ACLY: variants seen among roughly 807,000 people sequenced by gnomAD.
ACLY encodes the protein ATP citrate lyase, also known as ATP-citrate synthase.
ACLY carries 41 observed loss-of-function variants against 133.0 expected under a neutral mutation model. The observed-to-expected ratio is 0.31, with a 90% CI of 0.24 to 0.40. The LOEUF is 0.40. Ranked by LOEUF, ACLY falls within the 10% of genes least tolerant of loss-of-function variation. The pLI is 1.00. For synonymous variants in ACLY, 495 were observed against 549.3 expected (o/e 0.90, Z 1.38); for missense variants, 1,046 against 1,453.8 (o/e 0.72, Z 4.56).
chr17:41,873,999 C>A, intron 22 of ACLY, 34 bp from the exon 23 acceptor site: 1 of 1,555,974 alleles, frequency 6.4e-7, no homozygotes. Flanking sequence ...AAGCAGGGCC[C>A]TGGTGACCAC....
intron 28 of ACLY, 72 bp downstream of exon 28, chr17:41,868,637 C>G (rs2048525107): frequency 9.7e-7 from 1 of 1,030,282 alleles, no homozygotes; most frequent in African/African-American, 1.7e-5. Context: ...AAACTCAACC[C>G]CATGAGTAAG....
At chr17:41,925,486 C>A (rs563868087) in intron 1 of ACLY, among the ~76,000 whole-genome samples, 34 of 150,482 alleles carry the variant, frequency 2.3e-4, no homozygotes, top group African/African-American at 8.0e-4. Context: ...TGGCATGCAC[C>A]TGTAGTTCCA....
chr17:41,867,921 A>G lies in ACLY; in HGVS notation c.3212-17T>C, dbSNP rs1555624215. On this transcript the variant is annotated splice_polypyrimidine_tract_variant and intron_variant, in intron 28 of 28. Transcript: ENST00000352035. ...GATAGTGTCCTAAAATGAAGCAAACACATCTTTTTTATTAGAGCTTCATAA... is the reference window on the plus strand; with the variant it reads ...GATAGTGTCCTAAAATGAAGCAAACGCATCTTTTTTATTAGAGCTTCATAA... 6.3e-7 allele frequency: 1 copy of G among 1,578,648 alleles called. No individual in the cohort carries two copies. Among genetic ancestry groups the G allele is most frequent in the Admixed American group, 1.7e-5 (1 of 58,222 alleles).
At chr17:41,909,440 C>A (rs1342200434) in intron 5 of ACLY, 70 bp downstream of exon 5, 2 of 1,535,008 alleles carry the variant, frequency 1.3e-6, no homozygotes, top group Non-Finnish European at 1.8e-6. Flanking sequence ...CTGCTCTCCC[C>A]AGTCTGTGCC....
chr17:41,875,408 T>A (rs1174843648), intron 22 of ACLY, among the ~76,000 whole-genome samples: 84 of 132,960 alleles, frequency 6.3e-4, no homozygotes, highest in African/African-American at 2.2e-3. Context: ...GGAGCCCCCC[T>A]CCCTCTCCCT....
Position 41,868,798 on chromosome 17 carries a change from T to C in ACLY, c.3135-13A>G, listed in dbSNP as rs2048529222. 3.1e-6 allele frequency: 5 copies of C among 1,613,260 alleles called. No homozygotes were observed. The highest frequency in any genetic ancestry group is 4.2e-6 in the Non-Finnish European group (5 of 1,179,632). ...ATCAGCTTCCTCCCTGCAACACACA[T>C]CAACTTGTAGTTTTAAAAGGCTCAC... On this transcript the variant is annotated splice_polypyrimidine_tract_variant and intron_variant, in intron 27 of 28. Coordinates refer to ENST00000352035, the MANE Select transcript of ACLY (RefSeq NM_001096.3).
intron 14 of ACLY, 89 bp from the exon 15 acceptor site, chr17:41,893,263 G>GC: frequency 7.0e-7 from 1 of 1,427,460 alleles, no homozygotes; most frequent in East Asian, 2.4e-5. Flanking sequence ...ACCCCTCCAC[G>GC]CCCCATGTCC....
At chr17:41,919,145 T>A, upstream of ACLY, 4 of 1,059,992 alleles carry the variant, frequency 3.8e-6, no homozygotes, top group Non-Finnish European at 4.8e-6. Flanking sequence ...CTGGGACTTG[T>A]AGTCCCGCTG....
At chr17:41,921,256 C>A (rs766446621), upstream of ACLY, among the ~76,000 whole-genome samples, 6 of 152,010 alleles carry the variant, frequency 3.9e-5, no homozygotes, top group Non-Finnish European at 1.5e-5. Context: ...AGAGATCGTG[C>A]CATTGCACTC....
chr17:41,913,114 A>G (rs1231480012), intron 2 of ACLY, among the ~76,000 whole-genome samples: 3 of 152,064 alleles, frequency 2.0e-5, no homozygotes, highest in Non-Finnish European at 4.4e-5. Context: ...TCCTAGGCTT[A>G]CTCTCTGAGC....
At chr17:41,874,080 T>G in intron 22 of ACLY, 115 bp from the exon 23 acceptor site, 5 of 1,117,328 alleles carry the variant, frequency 4.5e-6, no homozygotes, top group Non-Finnish European at 5.9e-6. Context: ...TGTCGTAAAC[T>G]CTGGCAGCCA....
intron 9 of ACLY, 85 bp from the exon 10 acceptor site, chr17:41,904,875 GT>G: frequency 7.3e-7 from 1 of 1,366,978 alleles, no homozygotes. Flanking sequence ...GGAAGTTCTT[GT>G]TCCCCTGAAT....
Position 41,918,938 on chromosome 17 carries a change from C to G in ACLY, c.-82G>C. ...CAGGCCCGACGAACCCCGCAAAATC[C>G]GGAGCACCCCAGCAGCCGGTAGCTT... On this transcript the variant is annotated 5_prime_UTR_variant, in exon 1 of 29. Transcript: ENST00000352035. 1.6e-6 allele frequency: 2 copies of G among 1,289,290 alleles called. No homozygotes were observed. Among genetic ancestry groups the G allele is most frequent in the South Asian group, 2.5e-5 (2 of 80,882 alleles). The allele number at this position is 1,289,290 out of a possible 1,614,324, so 79.9% of individuals were successfully genotyped here.
At chr17:41,914,536 G>A (rs1202124918) in intron 1 of ACLY, among the ~76,000 whole-genome samples, 6 of 152,172 alleles carry the variant, frequency 3.9e-5, no homozygotes, top group Admixed American at 6.5e-5. Context: ...GAGGATCATC[G>A]CTAAGCTCTT....
At chr17:41,868,615 A>G (rs1403600868) in intron 28 of ACLY, 94 bp downstream of exon 28, 12 of 543,184 alleles carry the variant, frequency 2.2e-5, no homozygotes, top group African/African-American at 1.9e-4. Flanking sequence ...AAAAAAAAAA[A>G]GAAAGAAAAA....
intron 1 of ACLY, 147 bp downstream of exon 1, chr17:41,918,733 C>G (rs1555634915): frequency 4.8e-6 from 5 of 1,038,076 alleles, no homozygotes; most frequent in Non-Finnish European, 5.0e-6. Flanking sequence ...CGAAGGCTAA[C>G]CTAAAGCTAA....
chr17:41,876,434 C>A (rs1403177050), intron 22 of ACLY, among the ~76,000 whole-genome samples: 1 of 152,150 alleles, frequency 6.6e-6, no homozygotes, highest in Non-Finnish European at 1.5e-5. Flanking sequence ...TCATTGCGAG[C>A]GAGCCATGAT....
chr17:41,910,335 C>A (rs782711282), intron 3 of ACLY, 51 bp from the exon 4 acceptor site: 22 of 1,554,942 alleles, frequency 1.4e-5, no homozygotes, highest in Non-Finnish European at 1.8e-5. Flanking sequence ...ACGTCTTGCC[C>A]CTAGGGCAGA....
In ACLY at chr17:41,871,669, T is replaced by A; in HGVS notation, c.2937+20A>T. ...CGCGCCTGGCCTCCATCCCACTTTT[T>A]TAGGAGAGTAACAACTCACCGACTT... On this transcript the variant is annotated intron_variant, in intron 25 of 28. Transcript: ENST00000352035. The A allele has an allele frequency of 1.2e-6, 2 of 1,613,876 alleles. No individual in the cohort carries two copies. Among genetic ancestry groups the A allele is most frequent in the Non-Finnish European group, 1.7e-6 (2 of 1,179,968 alleles).
Sources: gnomAD v4.1 joint callset for allele counts (sites outside exome capture counted in the v4.1 genomes callset) on GRCh38, gnomAD v4.1.1 for gene constraint, MANE v1.5 for transcripts, NCBI Gene and HGNC (gene_info 2026-07-23, HGNC 2026-07-21) for gene names.